Variants in PRAG1 observed in about 807,000 individuals in gnomAD.
PRAG1 encodes the protein PEAK1 related, kinase-activating pseudokinase 1.
PRAG1 carries 110 observed loss-of-function variants against 95.6 expected under a neutral mutation model. The observed-to-expected ratio is 1.15, with a 90% CI of 0.99 to 1.35. The LOEUF (loss-of-function observed/expected upper bound fraction) is 1.35. Ranked by LOEUF, PRAG1 falls within the 40% of genes most tolerant of loss-of-function variation. The pLI, the probability that PRAG1 is intolerant of heterozygous loss-of-function variation, is 0.00. For missense variants in PRAG1, 2,554 were observed against 1,864.7 expected, an observed-to-expected ratio of 1.37 and a Z score of -6.81; for synonymous variants, 1,052 against 819.4, an observed-to-expected ratio of 1.28 and a Z score of -4.85.
At chr8:8,332,337 A>T (rs1798846202) in intron 4 of PRAG1, among the ~76,000 whole-genome samples, 1 of 151,676 alleles carries the variant, frequency 6.6e-6, no homozygotes, top group South Asian at 2.1e-4. Flanking sequence ...AATTTTTTGT[A>T]TTTTTAGTAG....
intron 4 of PRAG1, among the ~76,000 whole-genome samples, chr8:8,338,449 T>C (rs1302077543): frequency 6.6e-6 from 1 of 152,208 alleles, no homozygotes. Context: ...CTGCCCTCTA[T>C]GGAATAATCT....
chr8:8,371,555 G>C (rs1265072920), intron 3 of PRAG1, among the ~76,000 whole-genome samples: 1 of 152,032 alleles, frequency 6.6e-6, no homozygotes, highest in Non-Finnish European at 1.5e-5. Context: ...CACCGCGCCC[G>C]ACCATGAGTG....
At chr8:8,337,164 A>C (rs1040634195) in intron 4 of PRAG1, among the ~76,000 whole-genome samples, 1 of 152,230 alleles carries the variant, frequency 6.6e-6, no homozygotes, top group African/African-American at 2.4e-5. Flanking sequence ...ATAATATTAG[A>C]AAGGCAGACA....
intron 1 of PRAG1, among the ~76,000 whole-genome samples, chr8:8,385,742 A>T (rs1159942516): frequency 1.3e-5 from 2 of 152,052 alleles, no homozygotes; most frequent in Non-Finnish European, 2.9e-5. Context: ...CTATGTTCTA[A>T]GTGTGTGTGT....
At chr8:8,338,107 C>A (rs778052574) in intron 4 of PRAG1, among the ~76,000 whole-genome samples, 3 of 152,194 alleles carry the variant, frequency 2.0e-5, no homozygotes, top group Non-Finnish European at 4.4e-5. Flanking sequence ...TCCCTAAACC[C>A]TCCACCAGCC....
intron 4 of PRAG1, among the ~76,000 whole-genome samples, chr8:8,333,164 G>C (rs997453271): frequency 6.6e-6 from 1 of 152,194 alleles, no homozygotes; most frequent in African/African-American, 2.4e-5. Flanking sequence ...GGGTGCAAAA[G>C]GGGTGAGAGG....
intron 3 of PRAG1, among the ~76,000 whole-genome samples, chr8:8,371,822 A>G (rs376876509): frequency 6.6e-5 from 10 of 152,250 alleles, no homozygotes; most frequent in African/African-American, 2.4e-4. Context: ...GTGAGATGGC[A>G]CCACTGCACT....
In PRAG1 at chr8:8,318,446, G is replaced by A; in HGVS notation, c.3929C>T (p.Ala1310Val). 1 of 1,612,270 alleles carries A rather than the reference G, an allele frequency of 6.2e-7. No homozygotes were observed. Among genetic ancestry groups the A allele is most frequent in the East Asian group, 2.2e-5 (1 of 44,872 alleles). ...GATGCGGATACGCTTGATGGGGTCG[G>A]CCTCCAGTAGCAGATGTGCCAGCTG... ...LQQLAHLLLE[A>V]DPIKRIRIGE... The change falls in exon 6 of 6, where the codon GCC (alanine) becomes GTC (valine). Residue 1310 changes from alanine (A) to valine (V), a missense_variant. Coordinates refer to ENST00000615670, the MANE Select transcript of PRAG1 (RefSeq NM_001080826.3). This position sits in a 1 kb window ranked among gnomAD's most constrained non-coding sequence, Gnocchi z 4.2.
chr8:8,340,283 A>G (rs919875826), intron 3 of PRAG1, among the ~76,000 whole-genome samples: 2 of 152,244 alleles, frequency 1.3e-5, no homozygotes, highest in Non-Finnish European at 2.9e-5. Context: ...ATCTCTAAAT[A>G]GCATCACCAA....
At position 8,318,480 on chromosome 8, in the gene PRAG1, C is replaced by T. The variant is rs1428551557; in HGVS notation, c.3895G>A (p.Gly1299Ser). ...AGCAGATGTGCCAGCTGCTGCAGGCCGGGTGAGTAGAGGGACAGCGCGGGC... is the reference window on the plus strand; with the variant it reads ...AGCAGATGTGCCAGCTGCTGCAGGCTGGGTGAGTAGAGGGACAGCGCGGGC... ...PLPALSLYSP[G>S]LQQLAHLLLE... The change falls in exon 6 of 6, where the codon GGC becomes AGC. Residue 1299 changes from glycine (G) to serine (S), a missense_variant. Gly to Ser is a moderately conservative substitution (Grantham distance 56, BLOSUM62 0). Transcript: ENST00000615670. The surrounding 1 kb of genome is among the most constrained non-coding windows in gnomAD (Gnocchi z 4.2). The T allele has an allele frequency of 6.2e-7, 1 of 1,612,110 alleles. No individual in the cohort carries two copies. Among genetic ancestry groups the T allele is most frequent in the Non-Finnish European group, 8.5e-7 (1 of 1,179,778 alleles).
intron 3 of PRAG1, among the ~76,000 whole-genome samples, chr8:8,355,860 C>T (rs1799665223): frequency 6.6e-6 from 1 of 152,104 alleles, no homozygotes; most frequent in African/African-American, 2.4e-5. Context: ...TGATATTGGC[C>T]TTGGAAATGA....
At chr8:8,352,916 C>T (rs1223903398) in intron 3 of PRAG1, among the ~76,000 whole-genome samples, 3 of 151,870 alleles carry the variant, frequency 2.0e-5, no homozygotes, top group Non-Finnish European at 4.4e-5. Flanking sequence ...GCAGAGATGG[C>T]AATACTTATA....
At chr8:8,320,173 G>C (rs1798429567) in intron 5 of PRAG1, among the ~76,000 whole-genome samples, 3 of 152,244 alleles carry the variant, frequency 2.0e-5, no homozygotes, top group Admixed American at 6.5e-5. Flanking sequence ...AAGGCAAATA[G>C]TGTTTATAAG....
chr8:8,340,016 A>C (rs1241085310), intron 3 of PRAG1, among the ~76,000 whole-genome samples: 1 of 152,244 alleles, frequency 6.6e-6, no homozygotes, highest in East Asian at 1.9e-4. Flanking sequence ...GTATAGAGAC[A>C]TACAGATATT....
intron 3 of PRAG1, among the ~76,000 whole-genome samples, chr8:8,356,972 T>C (rs1237565068): frequency 6.6e-6 from 1 of 152,194 alleles, no homozygotes; most frequent in East Asian, 1.9e-4. Context: ...TAAAAGTGAA[T>C]ATCCACATGC....
chr8:8,331,056 A>G (rs1798804232), intron 4 of PRAG1, among the ~76,000 whole-genome samples: 1 of 152,116 alleles, frequency 6.6e-6, no homozygotes, highest in African/African-American at 2.4e-5. Flanking sequence ...TTTATCATCA[A>G]CACAACAGAA....
chr8:8,357,266 A>G (rs1799711555), intron 3 of PRAG1, among the ~76,000 whole-genome samples: 1 of 152,206 alleles, frequency 6.6e-6, no homozygotes, highest in South Asian at 2.1e-4. Flanking sequence ...TTGGGAGAAT[A>G]TATTTCAAAT....
chr8:8,326,300 G>A (rs2117111169), intron 5 of PRAG1, among the ~76,000 whole-genome samples: 1 of 150,386 alleles, frequency 6.6e-6, no homozygotes, highest in South Asian at 2.1e-4. Context: ...TTTTTAAAAT[G>A]TTAGCAATAT....
chr8:8,340,946 T>C (rs965281452), intron 3 of PRAG1, among the ~76,000 whole-genome samples: 1 of 152,264 alleles, frequency 6.6e-6, no homozygotes, highest in African/African-American at 2.4e-5. Flanking sequence ...GGAAATGCTA[T>C]GGCAGTAGCT....
Sources: allele counts gnomAD v4.1 joint callset (sites outside exome capture counted in the v4.1 genomes callset), GRCh38; gene constraint gnomAD v4.1.1; non-coding constraint Gnocchi (gnomAD v3.1); transcripts MANE v1.5; gene names NCBI Gene and HGNC (gene_info 2026-07-23, HGNC 2026-07-21).